CDH13: variants seen among roughly 807,000 people sequenced by gnomAD.
CDH13 encodes cadherin-13.
A neutral mutation model predicts 63.8 loss-of-function variants in CDH13; 24 were observed. The ratio of observed to expected loss-of-function variants is 0.38; its 90% CI spans 0.27 to 0.53. The LOEUF is 0.53. Among genes scored for constraint, CDH13 ranks in the 20% least tolerant of loss-of-function variants. CDH13 has a pLI of 0.85. For missense variants in CDH13, 1,049 were observed against 903.1 expected (o/e 1.16, Z -2.07); for synonymous variants, 503 against 355.3 (o/e 1.42, Z -4.67).
chr16:82,719,148 C>G lies in CDH13; in HGVS notation c.45+92011C>G, dbSNP rs1240687228. ...CTGTGGAAAGGTTGTTGCTGTTTTT[C>G]TGCTGGGGCTGTTTTAAGATGAAAC... On this transcript the variant is annotated intron_variant, in intron 1 of 13. Coordinates refer to ENST00000567109, the MANE Select transcript of CDH13 (RefSeq NM_001257.5). Among the ~76,000 whole-genome samples the G allele has an allele frequency of 2.0e-5, 3 of 152,094 alleles. No homozygotes were observed. In the East Asian group the frequency reaches 5.8e-4, roughly 29 times the overall value.
intron 8 of CDH13, among the ~76,000 whole-genome samples, chr16:83,663,680 G>C (rs11149597): frequency 0.24 from 36,008 of 152,026 alleles, 5,029 homozygotes; most frequent in African/African-American, 0.37. Flanking sequence ...CAGGTTGTCT[G>C]TGTTTGAGAG....
intron 7 of CDH13, among the ~76,000 whole-genome samples, chr16:83,578,616 G>C (rs1905253688): frequency 6.6e-6 from 1 of 152,172 alleles, no homozygotes; most frequent in African/African-American, 2.4e-5. Flanking sequence ...TGACTCCACT[G>C]ATGTTTAATG....
At chr16:83,216,896 G>C (rs920296525) in intron 4 of CDH13, among the ~76,000 whole-genome samples, 1 of 152,126 alleles carries the variant, frequency 6.6e-6, no homozygotes, top group Middle Eastern at 3.4e-3. Context: ...CCTAGTAGAA[G>C]TGACAGGGCA....
chr16:83,334,907 C>G (rs1182071141), intron 5 of CDH13, among the ~76,000 whole-genome samples: 1 of 152,126 alleles, frequency 6.6e-6, no homozygotes, highest in Non-Finnish European at 1.5e-5. Flanking sequence ...AATCTGCCTA[C>G]CAAGCCTGTA....
At chr16:83,602,743 T>A (rs1160190033) in intron 8 of CDH13, 149 bp downstream of exon 8, 1 of 841,104 alleles carries the variant, frequency 1.2e-6, no homozygotes, top group East Asian at 2.5e-5. Context: ...TTGCTGGAAT[T>A]CTTTCTCACA....
chr16:83,654,955 G>A (rs72795378), intron 8 of CDH13: 17,562 of 152,260 alleles, frequency 0.12, 1,136 homozygotes, highest in East Asian at 0.21. Flanking sequence ...GGGCCATGCC[G>A]CATCAGCCCA....
At chr16:83,519,543 C>T (rs1182000618) in intron 7 of CDH13, among the ~76,000 whole-genome samples, 1 of 152,148 alleles carries the variant, frequency 6.6e-6, no homozygotes, top group Admixed American at 6.5e-5. Context: ...ACTATAATAC[C>T]TTGAGTATTA....
At chr16:82,674,949 A>G (rs1056494946) in intron 1 of CDH13, among the ~76,000 whole-genome samples, 2 of 152,216 alleles carry the variant, frequency 1.3e-5, no homozygotes, top group African/African-American at 2.4e-5. Context: ...AAAAGCTATA[A>G]TCTGTCAATC....
rs534810589 is a variant in CDH13, at chr16:82,839,418, A to G, written c.46-18944A>G. Among the ~76,000 whole-genome samples the G allele has an allele frequency of 1.7e-3, 254 of 152,236 alleles. 1 individual carries two copies. Among genetic ancestry groups the G allele is most frequent in the African/African-American group, 5.8e-3 (239 of 41,538 alleles). On this transcript the variant is annotated intron_variant, in intron 1 of 13. Transcript: ENST00000567109. ...TCACATAGCTCAATTTGCGTGTGCC[A>G]TCAATTTCCTGCTGGGATTAAGATA...
intron 1 of CDH13, among the ~76,000 whole-genome samples, chr16:82,721,179 A>T (rs1429118148): frequency 6.6e-6 from 1 of 152,138 alleles, no homozygotes; most frequent in African/African-American, 2.4e-5. Flanking sequence ...ATGATATTAA[A>T]ACCTCAGTTT....
At chr16:83,778,766 G>A (rs1450564893) in intron 11 of CDH13, among the ~76,000 whole-genome samples, 1 of 152,072 alleles carries the variant, frequency 6.6e-6, no homozygotes, top group African/African-American at 2.4e-5. Flanking sequence ...GTCCAGCAGG[G>A]TCAGCCATCC....
At chr16:82,726,633 A>C (rs749427147) in intron 1 of CDH13, among the ~76,000 whole-genome samples, 2 of 152,212 alleles carry the variant, frequency 1.3e-5, no homozygotes, top group Non-Finnish European at 2.9e-5. Context: ...GGCACACTCC[A>C]TAAGTAGTCA....
chr16:83,097,765 A>G (rs1044343483), intron 3 of CDH13, among the ~76,000 whole-genome samples: 1 of 152,200 alleles, frequency 6.6e-6, no homozygotes, highest in Non-Finnish European at 1.5e-5. Context: ...TCTAAAGTAG[A>G]TGATTCCAGT....
chr16:83,778,574 G>T (rs1915283172), intron 11 of CDH13, among the ~76,000 whole-genome samples: 2 of 151,910 alleles, frequency 1.3e-5, no homozygotes, highest in South Asian at 4.2e-4. Flanking sequence ...GATTATGAGG[G>T]CCATTATCTT....
chr16:83,678,093 C>G (rs187199940), intron 9 of CDH13, 115 bp from the exon 10 acceptor site: 2 of 1,034,850 alleles, frequency 1.9e-6, no homozygotes, highest in African/African-American at 3.2e-5. Context: ...CCTCCAAAGC[C>G]CAGCTCCATC....
chr16:82,780,070 A>G (rs1260800894), intron 1 of CDH13, among the ~76,000 whole-genome samples: 2 of 152,188 alleles, frequency 1.3e-5, no homozygotes, highest in Admixed American at 6.5e-5. Context: ...AAACAAGCAC[A>G]GCTGAAATCT....
At chr16:82,703,864 C>A (rs532750085) in intron 1 of CDH13, among the ~76,000 whole-genome samples, 1 of 152,172 alleles carries the variant, frequency 6.6e-6, no homozygotes, top group Non-Finnish European at 1.5e-5. Flanking sequence ...GTCAGTGACA[C>A]CTGCACTCAG....
chr16:83,719,347 A>T (rs1227522674), intron 10 of CDH13, among the ~76,000 whole-genome samples: 1 of 152,052 alleles, frequency 6.6e-6, no homozygotes, highest in East Asian at 1.9e-4. Flanking sequence ...CATCCCAGCA[A>T]CCCTGTGAGG....
chr16:83,232,294 G>GAGC (rs2040021428), intron 5 of CDH13, among the ~76,000 whole-genome samples: 1 of 145,632 alleles, frequency 6.9e-6, no homozygotes, highest in Non-Finnish European at 1.5e-5. Context: ...GGAAGCTGAG[G>GAGC]CGAGCAGATC....
Sources: gnomAD v4.1 joint callset for allele counts (sites outside exome capture counted in the v4.1 genomes callset) on GRCh38, gnomAD v4.1.1 for gene constraint, MANE v1.5 for transcripts, NCBI Gene and HGNC (gene_info 2026-07-23, HGNC 2026-07-21) for gene names.